CRYBB3: variants seen among roughly 807,000 people sequenced by gnomAD.
CRYBB3 encodes the protein crystallin beta B3.
A neutral mutation model predicts 28.3 loss-of-function variants in CRYBB3; 35 were observed. The observed-to-expected ratio is 1.24, with a 90% CI of 0.95 to 1.64. The LOEUF is 1.64. Ranked by LOEUF, CRYBB3 falls within the 40% of genes most tolerant of loss-of-function variation. The pLI is 0.00. For missense variants in CRYBB3, 296 were observed against 297.4 expected, an observed-to-expected ratio of 1.00 and a Z score of 0.04; for synonymous variants, 106 against 110.4, an observed-to-expected ratio of 0.96 and a Z score of 0.25.
rs144393956 is a variant in CRYBB3 at position 25,201,402 on chromosome 22, G to A, written c.6G>A (p.Ala2=). The A allele has an allele frequency of 7.7e-4, 1,249 of 1,613,314 alleles. 5 individuals carry two copies. Among genetic ancestry groups the A allele is most frequent in the African/African-American group, 4.4e-3 (328 of 74,996 alleles). The stretch of plus-strand genomic sequence containing the variant: ...CCAGAGGTGTTCCTGGGGAGATGGC[G>A]GAACAGCACGGAGCACCCGAACAGG... The part of the protein sequence containing the change: M[A]EQHGAPEQAA... The change falls in exon 2 of 6, where the codon GCG becomes GCA. Residue 2 remains alanine, a synonymous_variant. Coordinates refer to ENST00000215855, the MANE Select transcript of CRYBB3 (RefSeq NM_004076.5).
Position 25,202,528 on chromosome 22 carries a change from G to A in CRYBB3, c.76-146G>A, listed in dbSNP as rs142280135. 4.6e-6 allele frequency: 7 copies of A among 1,513,634 alleles called. No individual in the cohort carries two copies. The African/African-American group carries it at 6.9e-5, about 15-fold the overall frequency. 93.8% of individuals were successfully genotyped at this position (1,513,634 alleles called of 1,614,324 possible). ...GGCGTTTCCCTCCATGACCATTAGA[G>A]GGCAGTGCAGGCCCACCTCAGTGCC... On this transcript the variant is annotated intron_variant, in intron 2 of 5. Coordinates refer to ENST00000215855, the MANE Select transcript of CRYBB3 (RefSeq NM_004076.5).
chr22:25,203,320 CCT>C (rs1331404470), intron 3 of CRYBB3, among the ~76,000 whole-genome samples: 1 of 152,160 alleles, frequency 6.6e-6, no homozygotes, highest in African/African-American at 2.4e-5. Context: ...ACACACCAGG[CCT>C]CTGTTTTCTC....
chr22:25,207,241 C>A lies in CRYBB3; in HGVS notation c.*29C>A, dbSNP rs748622743. ...GCACCCAGACTTCAAGGACCCAGACCCACCCTGGGGGGCTGCAAGGGCAAG... is the reference window on the plus strand; with the variant it reads ...GCACCCAGACTTCAAGGACCCAGACACACCCTGGGGGGCTGCAAGGGCAAG... On this transcript the variant is annotated 3_prime_UTR_variant, in exon 6 of 6. Transcript: ENST00000215855. The A allele has an allele frequency of 3.4e-5, 55 of 1,603,388 alleles. 1 individual carries two copies. The highest frequency in any genetic ancestry group is 4.0e-5 in the African/African-American group (3 of 74,754).
In CRYBB3 at chr22:25,203,909, C is replaced by T. The variant is rs757415735; in HGVS notation, c.327+14C>T. Reference sequence around the variant, plus strand: ...CCTCTGAATATTGTGAGTGTGGTTCCTGCTCACTTCTGGGTGTTCCTGGAA... The same window carrying T: ...CCTCTGAATATTGTGAGTGTGGTTCTTGCTCACTTCTGGGTGTTCCTGGAA... On this transcript the variant is annotated intron_variant, in intron 4 of 5. Coordinates refer to ENST00000215855, the MANE Select transcript of CRYBB3 (RefSeq NM_004076.5). The T allele has an allele frequency of 4.3e-6, 7 of 1,613,958 alleles. No homozygotes were observed. In the African/African-American group the frequency reaches 8.0e-5, roughly 18 times the overall value.
chr22:25,204,155 G>A (rs188334396), intron 4 of CRYBB3, among the ~76,000 whole-genome samples: 4 of 152,156 alleles, frequency 2.6e-5, no homozygotes, highest in Admixed American at 6.5e-5. Context: ...CTTTGTAACC[G>A]TACTAAAACG....
intron 5 of CRYBB3, 79 bp from the exon 6 acceptor site, chr22:25,206,968 G>C: frequency 9.6e-7 from 1 of 1,041,600 alleles, no homozygotes; most frequent in South Asian, 1.3e-5. Context: ...TAGGCAGGCA[G>C]AGTGCATGGT....
chr22:25,200,344 G>A (rs77259856), intron 1 of CRYBB3, among the ~76,000 whole-genome samples: 3,053 of 152,212 alleles, frequency 0.02, 45 homozygotes, highest in Middle Eastern at 0.058. Context: ...TGGGGTGGCC[G>A]TGCTGGGAGC....
At chr22:25,202,558 C>T (rs990511204) in intron 2 of CRYBB3, 116 bp from the exon 3 acceptor site, 59 of 1,584,172 alleles carry the variant, frequency 3.7e-5, no homozygotes, top group Middle Eastern at 2.0e-4. Context: ...AGTGCCAGCT[C>T]CAGGCTGGAG....
chr22:25,200,532 AGTGT>A (rs1435375255), intron 1 of CRYBB3, among the ~76,000 whole-genome samples: 1 of 152,086 alleles, frequency 6.6e-6, no homozygotes, highest in African/African-American at 2.4e-5. Context: ...AACTTTTGCG[AGTGT>A]GTGCACCTAT....
At position 25,205,286 on chromosome 22, in the gene CRYBB3, G is replaced by A; in HGVS notation, c.394G>A (p.Val132Met). ...PAFSGRKMEI[V>M]DDDVPSLWAH... ...TTTCAGTGGCCGCAAGATGGAGATA[G>A]TGGATGATGACGTGCCCAGCCTGTG... The change falls in exon 5 of 6, where the codon GTG (valine) becomes ATG (methionine). Residue 132 changes from valine to methionine, a missense_variant. Transcript: ENST00000215855. 1 of 1,614,126 alleles carries A rather than the reference G, an allele frequency of 6.2e-7. No individual in the cohort carries two copies. The highest frequency in any genetic ancestry group is 8.5e-7 in the Non-Finnish European group (1 of 1,180,020).
rs149033890 is a variant in CRYBB3 at position 25,202,081 on chromosome 22, G to A, written c.76-593G>A. On this transcript the variant is annotated intron_variant, in intron 2 of 5. Transcript: ENST00000215855. The stretch of plus-strand genomic sequence containing the variant: ...CTCCTCTTAACTTGCTGTGCAGCCC[G>A]AGGCAAGTATCTTACCCTTTCTGAG... Among the ~76,000 whole-genome samples the A allele has an allele frequency of 3.3e-5, 5 of 152,262 alleles. No individual in the cohort carries two copies. In the East Asian group the frequency reaches 5.8e-4, roughly 18 times the overall value.
At chr22:25,200,625 G>A (rs943308743) in intron 1 of CRYBB3, among the ~76,000 whole-genome samples, 4 of 152,172 alleles carry the variant, frequency 2.6e-5, no homozygotes, top group African/African-American at 7.2e-5. Context: ...ATGTGACTGC[G>A]GCAGGGGCCT....
chr22:25,203,325 G>C (rs554707925), intron 3 of CRYBB3, among the ~76,000 whole-genome samples: 1 of 152,248 alleles, frequency 6.6e-6, no homozygotes, highest in Admixed American at 6.5e-5. Flanking sequence ...CCAGGCCTCT[G>C]TTTTCTCATC....
intron 3 of CRYBB3, 41 bp downstream of exon 3, chr22:25,202,833 C>T: frequency 6.2e-7 from 1 of 1,610,254 alleles, no homozygotes; most frequent in Non-Finnish European, 8.5e-7. Flanking sequence ...CAGCCCTGAG[C>T]CTTCTGGGAG....
intron 2 of CRYBB3, among the ~76,000 whole-genome samples, chr22:25,202,213 G>A (rs1011084699): frequency 6.6e-6 from 1 of 152,176 alleles, no homozygotes; most frequent in Non-Finnish European, 1.5e-5. Flanking sequence ...ACCTTGGTCT[G>A]CCTTTGCAGC....
At chr22:25,205,853 G>T (rs919932922) in intron 5 of CRYBB3, among the ~76,000 whole-genome samples, 3 of 152,104 alleles carry the variant, frequency 2.0e-5, no homozygotes, top group African/African-American at 4.8e-5. Flanking sequence ...AGTAAAATCT[G>T]TTCTCTCCAC....
intron 2 of CRYBB3, among the ~76,000 whole-genome samples, chr22:25,202,339 CTT>C (rs1401732482): frequency 6.6e-6 from 1 of 152,184 alleles, no homozygotes; most frequent in Non-Finnish European, 1.5e-5. Context: ...TCTGACCTCT[CTT>C]GAAAAAATTG....
intron 2 of CRYBB3, among the ~76,000 whole-genome samples, chr22:25,202,472 T>C (rs1339581121): frequency 6.6e-6 from 1 of 152,198 alleles, no homozygotes; most frequent in Non-Finnish European, 1.5e-5. Flanking sequence ...TTGCAATCAC[T>C]AGTTTAATTG....
intron 4 of CRYBB3, among the ~76,000 whole-genome samples, chr22:25,204,565 A>C (rs1244437734): frequency 6.6e-6 from 1 of 152,190 alleles, no homozygotes; most frequent in East Asian, 1.9e-4. Context: ...CTGAAGGCAC[A>C]TGCCACCACG....
Sources: gnomAD v4.1 joint callset for allele counts (sites outside exome capture counted in the v4.1 genomes callset) on GRCh38, gnomAD v4.1.1 for gene constraint, MANE v1.5 for transcripts, NCBI Gene and HGNC (gene_info 2026-07-23, HGNC 2026-07-21) for gene names.